FCHSD1: variants seen among roughly 807,000 people sequenced by gnomAD.
The protein encoded by FCHSD1 is FCH and double SH3 domains 1.
A neutral mutation model predicts 101.3 loss-of-function variants in FCHSD1; 109 were observed. The ratio of observed to expected loss-of-function variants is 1.08; its 90% CI spans 0.92 to 1.26. FCHSD1 has a LOEUF of 1.26. FCHSD1 is among the 50% of genes most tolerant of loss of function. The pLI is 0.00. For synonymous variants in FCHSD1, 291 were observed against 356.8 expected (o/e 0.82, Z 2.08); for missense variants, 820 against 895.8 (o/e 0.92, Z 1.08).
At chr5:141,650,208 A>G (rs992532292) in intron 3 of FCHSD1, 151 bp downstream of exon 3, 1 of 1,067,928 alleles carries the variant, frequency 9.4e-7, no homozygotes, top group Admixed American at 2.0e-5. Flanking sequence ...CCAAGGTCAC[A>G]TGGCTATAAT....
Position 141,649,171 on chromosome 5 carries a change from C to A in FCHSD1, c.512+1G>T, listed in dbSNP as rs2099908047. ...GGCTTCCTCACTCTCCATGACCCCACCTGGCCTGGACATCAGCCGCCTTCT... is the reference window on the plus strand; with the variant it reads ...GGCTTCCTCACTCTCCATGACCCCAACTGGCCTGGACATCAGCCGCCTTCT... On this transcript the variant is annotated splice_donor_variant, in intron 6 of 19. Transcript: ENST00000435817. LOFTEE classifies it high-confidence loss of function. This position sits in a 1 kb window ranked among gnomAD's most constrained non-coding sequence, Gnocchi z 4.1. The A allele has an allele frequency of 6.2e-7, 1 of 1,614,018 alleles. No individual in the cohort carries two copies. The highest frequency in any genetic ancestry group is 8.5e-7 in the Non-Finnish European group (1 of 1,179,890).
At position 141,640,839 on chromosome 5, in the gene FCHSD1, C is replaced by T. The variant is rs562236997; in HGVS notation, c.*659G>A. ...GGGGCCTCAGGAGAGGTCACAGCCC[C>T]TCAGTCTCTTCTCCTTCCCCTGCCT... On this transcript the variant is annotated 3_prime_UTR_variant, in exon 20 of 20. Coordinates refer to ENST00000435817, the MANE Select transcript of FCHSD1 (RefSeq NM_033449.3). The T allele has an allele frequency of 5.8e-5, 37 of 636,858 alleles. No homozygotes were observed. The South Asian group carries it at 6.5e-4, about 11-fold the overall frequency. The allele number at this position is 636,858 out of a possible 1,614,324, so 39.5% of individuals were successfully genotyped here. A position where few individuals can be genotyped will look rare whatever the true frequency, so the allele number is the denominator to read the frequency against.
In FCHSD1 at chr5:141,641,566, G is replaced by A. The variant is rs1484902419; in HGVS notation, c.2008-3C>T. 1.9e-6 allele frequency: 3 copies of A among 1,564,938 alleles called. No individual in the cohort carries two copies. Among genetic ancestry groups the A allele is most frequent in the African/African-American group, 2.7e-5 (2 of 73,780 alleles). On this transcript the variant is annotated splice_polypyrimidine_tract_variant and splice_region_variant and intron_variant, in intron 19 of 19. Transcript: ENST00000435817. ...GGCGGGGGAGGTGGTGGACGCATCTGTAGGGAACACACAGTTAGTGCTCCA... is the reference window on the plus strand; with the variant it reads ...GGCGGGGGAGGTGGTGGACGCATCTATAGGGAACACACAGTTAGTGCTCCA...
chr5:141,649,492 G>A lies in FCHSD1; in HGVS notation c.278C>T (p.Thr93Ile). ...GAGTCGGGTTTGGCCCCCAGCCACG[G>A]TGGCATCCAGCAGGCAGCGCCAGGC... ...FGAWRCLLDA[T>I]VAGGQTRLQA... is the part of the protein sequence containing the mutation. The change falls in exon 5 of 20, where the codon ACC becomes ATC. Residue 93 changes from threonine to isoleucine, a missense_variant. Coordinates refer to ENST00000435817, the MANE Select transcript of FCHSD1 (RefSeq NM_033449.3). The surrounding 1 kb of genome is among the most constrained non-coding windows in gnomAD (Gnocchi z 4.1). The A allele has an allele frequency of 6.2e-7, 1 of 1,613,730 alleles. No homozygotes were observed. The highest frequency in any genetic ancestry group is 8.5e-7 in the Non-Finnish European group (1 of 1,179,880).
chr5:141,639,846 G>A lies in FCHSD1; in HGVS notation c.*1652C>T. The A allele has an allele frequency of 1.3e-6, 2 of 1,515,328 alleles. No individual in the cohort carries two copies. Among genetic ancestry groups the A allele is most frequent in the Non-Finnish European group, 1.8e-6 (2 of 1,095,904 alleles). The allele number at this position is 1,515,328 out of a possible 1,614,324, so 93.9% of individuals were successfully genotyped here. ...GGGAAGTAGCCACCAAACTCAGGAT[G>A]TCCCTGGTCAGAGGGGAGGGCCAAG... is the stretch of plus-strand genomic sequence containing the variant. On this transcript the variant is annotated 3_prime_UTR_variant, in exon 20 of 20. Coordinates refer to ENST00000435817, the MANE Select transcript of FCHSD1 (RefSeq NM_033449.3). The surrounding 1 kb of genome is among the most constrained non-coding windows in gnomAD (Gnocchi z 4.4).
chr5:141,647,548 C>T, intron 8 of FCHSD1, 28 bp from the exon 9 acceptor site: 1 of 1,610,786 alleles, frequency 6.2e-7, no homozygotes, highest in South Asian at 1.1e-5. Flanking sequence ...ATACTGACAC[C>T]ACCCTTCCCC....
At position 141,647,421 on chromosome 5, in the gene FCHSD1, G is replaced by A. The variant is rs752975574; in HGVS notation, c.805C>T (p.Arg269Cys). Reference protein sequence around the residue: ...AAEVILEHAHRGEQTTSQVSW... With the variant: ...AAEVILEHAHCGEQTTSQVSW... The stretch of plus-strand genomic sequence containing the variant: ...ACCTGGGAGGTTGTCTGCTCCCCGC[G>A]GTGGGCATGCTCCAGGATGACCTCT... Residue 269 changes from arginine to cysteine, a missense_variant, in exon 9 of 20, where the codon CGC becomes TGC. Transcript: ENST00000435817. 2.1e-5 allele frequency: 34 copies of A among 1,602,786 alleles called. No individual in the cohort carries two copies. Among genetic ancestry groups the A allele is most frequent in the East Asian group, 4.5e-5 (2 of 44,696 alleles).
chr5:141,649,823 T>A lies in FCHSD1; in HGVS notation c.233+64A>T. 6.6e-7 allele frequency: 1 copy of A among 1,511,502 alleles called. No individual in the cohort carries two copies. 93.6% of individuals were successfully genotyped at this position (1,511,502 alleles called of 1,614,324 possible). On this transcript the variant is annotated intron_variant, in intron 4 of 19. Coordinates refer to ENST00000435817, the MANE Select transcript of FCHSD1 (RefSeq NM_033449.3). This position sits in a 1 kb window ranked among gnomAD's most constrained non-coding sequence, Gnocchi z 4.1. ...CTTGCTAGGCCTTCATCCCCACAGG[T>A]TCCTGGGGCTGAGCTCCCCATCACT...
Position 141,640,598 on chromosome 5 carries a change from C to T in FCHSD1, c.*900G>A. On this transcript the variant is annotated 3_prime_UTR_variant, in exon 20 of 20. Transcript: ENST00000435817. ...GTTTGGTGGTGGAGGTAGGGAAGGT[C>T]CTGGAGCCCCAGGGGAAAAGCTGGA... 6.5e-7 allele frequency: 1 copy of T among 1,544,064 alleles called. No individual in the cohort carries two copies. The highest frequency in any genetic ancestry group is 2.4e-5 in the East Asian group (1 of 41,006).
rs2099908399 is a variant in FCHSD1 at position 141,651,389 on chromosome 5, C to G, written c.-21G>C. 1.9e-6 allele frequency: 3 copies of G among 1,551,778 alleles called. No individual in the cohort carries two copies. Among genetic ancestry groups the G allele is most frequent in the Non-Finnish European group, 2.6e-6 (3 of 1,147,398 alleles). ...TGCATCTCCGCTCCAGCAAGGCGGT[C>G]AGCCACTGGACTCCGGAACTGGAGG... On this transcript the variant is annotated 5_prime_UTR_variant, in exon 1 of 20. Coordinates refer to ENST00000435817, the MANE Select transcript of FCHSD1 (RefSeq NM_033449.3).
In FCHSD1 at chr5:141,641,128, C is replaced by A; in HGVS notation, c.*370G>T. 3.2e-6 allele frequency: 1 copy of A among 311,864 alleles called. No homozygotes were observed. Among genetic ancestry groups the A allele is most frequent in the Non-Finnish European group, 5.9e-6 (1 of 170,056 alleles). The allele number at this position is 311,864 out of a possible 1,614,324, so 19.3% of individuals were successfully genotyped here. ...AGGCCTGTTCCTCTCCCCAGCCCAA[C>A]CCCAGTGACCCTGGCATCCAGAGTG... On this transcript the variant is annotated 3_prime_UTR_variant, in exon 20 of 20. Coordinates refer to ENST00000435817, the MANE Select transcript of FCHSD1 (RefSeq NM_033449.3).
In FCHSD1 at chr5:141,649,401, A is replaced by T. The variant is rs547915184; in HGVS notation, c.369T>A (p.Leu123=). The T allele has an allele frequency of 4.3e-6, 7 of 1,613,634 alleles. No individual in the cohort carries two copies. The South Asian group carries it at 6.6e-5, about 15-fold the overall frequency. The part of the protein sequence containing the change: ...GTGRSAKEQV[L]RKGTENLQRA... The stretch of plus-strand genomic sequence containing the variant: ...CCCAACCTCTGAGCCATACCTTCCT[A>T]AGCACCTGCTCCTTGGCGCTCCGCC... Residue 123 remains leucine (L), a synonymous_variant, in exon 5 of 20, where the codon CTT becomes CTA. Coordinates refer to ENST00000435817, the MANE Select transcript of FCHSD1 (RefSeq NM_033449.3). This position sits in a 1 kb window ranked among gnomAD's most constrained non-coding sequence, Gnocchi z 4.1.
At chr5:141,643,211 G>T in intron 17 of FCHSD1, 123 bp from the exon 18 acceptor site, 1 of 617,820 alleles carries the variant, frequency 1.6e-6, no homozygotes, top group Non-Finnish European at 2.6e-6. Flanking sequence ...CCAAATGCTT[G>T]CATTCGGTGG....
chr5:141,639,769 G>T lies in FCHSD1; in HGVS notation c.*1729C>A, dbSNP rs1328426636. On this transcript the variant is annotated 3_prime_UTR_variant, in exon 20 of 20. Coordinates refer to ENST00000435817, the MANE Select transcript of FCHSD1 (RefSeq NM_033449.3). The surrounding 1 kb of genome is among the most constrained non-coding windows in gnomAD (Gnocchi z 4.4). ...GACTGGGAGCTCCGGCAGAAGTCAG[G>T]CTACACAATGTGCCCCACAATCTGA... 1 of 1,290,088 alleles carries T rather than the reference G, an allele frequency of 7.8e-7. No homozygotes were observed. The highest frequency in any genetic ancestry group is 1.5e-5 in the African/African-American group (1 of 67,850). The allele number at this position is 1,290,088 out of a possible 1,614,324, so 79.9% of individuals were successfully genotyped here.
intron 17 of FCHSD1, 146 bp downstream of exon 17, chr5:141,644,072 C>A: frequency 1.3e-6 from 1 of 772,816 alleles, no homozygotes; most frequent in Non-Finnish European, 2.0e-6. Context: ...TTTTCCCTGC[C>A]CCCCCATAGG....
Position 141,639,501 on chromosome 5 carries a change from T to C in FCHSD1, c.*1997A>G, listed in dbSNP as rs954202547. 1 of 1,613,918 alleles carries C rather than the reference T, an allele frequency of 6.2e-7. No homozygotes were observed. The highest frequency in any genetic ancestry group is 8.5e-7 in the Non-Finnish European group (1 of 1,179,940). ...CTCCAGCCTGCAGGACGGAGCCCCCTCCCATCATCACACAGTGCACCTGGG... is the reference window on the plus strand; with the variant it reads ...CTCCAGCCTGCAGGACGGAGCCCCCCCCCATCATCACACAGTGCACCTGGG... On this transcript the variant is annotated 3_prime_UTR_variant, in exon 20 of 20. Transcript: ENST00000435817. This position sits in a 1 kb window ranked among gnomAD's most constrained non-coding sequence, Gnocchi z 4.4.
rs762186023 is a variant in FCHSD1 at position 141,640,255 on chromosome 5, C to G, written c.*1243G>C. ...AGCCCAGGGCTGCCCACTCAAGAGG[C>G]AAATGGGCAGCCAAGCAAACCAGAC... On this transcript the variant is annotated 3_prime_UTR_variant, in exon 20 of 20. Coordinates refer to ENST00000435817, the MANE Select transcript of FCHSD1 (RefSeq NM_033449.3). The G allele has an allele frequency of 6.2e-7, 1 of 1,613,974 alleles. No individual in the cohort carries two copies. The highest frequency in any genetic ancestry group is 1.1e-5 in the South Asian group (1 of 91,080).
intron 7 of FCHSD1, 45 bp from the exon 8 acceptor site, chr5:141,648,141 A>G: frequency 6.4e-7 from 1 of 1,559,000 alleles, no homozygotes; most frequent in Non-Finnish European, 8.7e-7. Context: ...AGACCCCCAG[A>G]GTCCTTCCAA....
In FCHSD1 at chr5:141,648,020, G is replaced by A; in HGVS notation, c.653C>T (p.Thr218Ile). 6.2e-7 allele frequency: 1 copy of A among 1,613,488 alleles called. No homozygotes were observed. Among genetic ancestry groups the A allele is most frequent in the Non-Finnish European group, 8.5e-7 (1 of 1,179,706 alleles). The change falls in exon 8 of 20, where the codon ACC becomes ATC. Residue 218 changes from threonine to isoleucine, a missense_variant. Thr to Ile is a moderately conservative substitution (Grantham distance 89, BLOSUM62 -1). Coordinates refer to ENST00000435817, the MANE Select transcript of FCHSD1 (RefSeq NM_033449.3). ...RNEYLLNLVA[T>I]NAHLDHYYQE... Reference sequence around the variant, plus strand: ...GTAGTAATGGTCGAGGTGGGCATTGGTAGCCACCAAGTTAAGCAGGTACTC... The same window carrying A: ...GTAGTAATGGTCGAGGTGGGCATTGATAGCCACCAAGTTAAGCAGGTACTC...
Sources: allele counts gnomAD v4.1 joint callset, GRCh38; gene constraint gnomAD v4.1.1; non-coding constraint Gnocchi (gnomAD v3.1); transcripts MANE v1.5; gene names NCBI Gene and HGNC (gene_info 2026-07-23, HGNC 2026-07-21).